Variants in ST3GAL3 observed in about 807,000 individuals in gnomAD.
ST3GAL3 encodes CMP-N-acetylneuraminate-beta-1,4-galactoside alpha-2,3-sialyltransferase.
A neutral mutation model predicts 50.1 loss-of-function variants in ST3GAL3; 21 were observed. That is an observed-to-expected ratio of 0.42 (90% confidence interval 0.30 to 0.60). The LOEUF is 0.60. ST3GAL3 is among the 20% of genes least tolerant of loss of function. The probability of loss-of-function intolerance (pLI) is 0.19; values close to 1 mark genes in which losing one functional copy is unlikely to be tolerated. For synonymous variants in ST3GAL3, 183 were observed against 190.0 expected (o/e 0.96, Z 0.30); for missense variants, 353 against 489.4 (o/e 0.72, Z 2.63).
chr1:43,848,120 A>G (rs2066571364), intron 5 of ST3GAL3, among the ~76,000 whole-genome samples: 2 of 152,044 alleles, frequency 1.3e-5, no homozygotes, highest in African/African-American at 2.4e-5. Flanking sequence ...CTCCCCCACT[A>G]CCTTAAATAT....
intron 9 of ST3GAL3, among the ~76,000 whole-genome samples, chr1:43,917,560 AT>A (rs1194012573): frequency 8.6e-5 from 7 of 81,060 alleles, no homozygotes; most frequent in Admixed American, 2.2e-4. Context: ...TATATAATAT[AT>A]TATATTATAT....
At chr1:43,807,364 C>T (rs190107583) in intron 3 of ST3GAL3, among the ~76,000 whole-genome samples, 46 of 151,780 alleles carry the variant, frequency 3.0e-4, no homozygotes, top group African/African-American at 1.0e-3. Flanking sequence ...TGCAGTGAGC[C>T]GAGATCGTGC....
rs752890217 is a variant in ST3GAL3 at position 43,898,328 on chromosome 1, C to G, written c.461+30C>G. ...GCCACACACTGTGCAGCCTCCTACC[C>G]ACCGCTGCCTGGTGGTGTGCAGAGG... On this transcript the variant is annotated intron_variant, in intron 7 of 11. Transcript: ENST00000347631. 1.9e-6 allele frequency: 3 copies of G among 1,610,884 alleles called. No individual in the cohort carries two copies. The Admixed American group carries it at 5.0e-5, about 27-fold the overall frequency.
Position 43,735,630 on chromosome 1 carries a change from A to AC in ST3GAL3, c.-30-601dup, listed in dbSNP as rs1678074541. Among the ~76,000 whole-genome samples, 3 of 152,270 alleles carry AC rather than the reference A, an allele frequency of 2.0e-5. No individual in the cohort carries two copies. In the South Asian group the frequency reaches 6.2e-4, roughly 32 times the overall value. ...CAGAAGGGAACACAGCCCTACCAGC[A>AC]CCTTGGTTTTGGCCTTGTGCGACTC... On this transcript the variant is annotated intron_variant, in intron 1 of 11. Transcript: ENST00000347631.
chr1:43,717,800 G>T (rs905718590), intron 1 of ST3GAL3, among the ~76,000 whole-genome samples: 2 of 151,974 alleles, frequency 1.3e-5, no homozygotes, highest in Admixed American at 1.3e-4. Flanking sequence ...GAGCCACCGT[G>T]CCTGGCCTGT....
At chr1:43,833,234 T>G (rs2063785704) in intron 4 of ST3GAL3, among the ~76,000 whole-genome samples, 1 of 152,182 alleles carries the variant, frequency 6.6e-6, no homozygotes, top group African/African-American at 2.4e-5. Flanking sequence ...ACACTTCCTG[T>G]TGATTAACCT....
At chr1:43,885,959 CA>C (rs2075916305) in intron 5 of ST3GAL3, among the ~76,000 whole-genome samples, 1 of 152,190 alleles carries the variant, frequency 6.6e-6, no homozygotes, top group Non-Finnish European at 1.5e-5. Context: ...TCAAATTATA[CA>C]AAATCACAGC....
chr1:43,848,883 G>A (rs566677171), intron 5 of ST3GAL3, among the ~76,000 whole-genome samples: 118 of 152,064 alleles, frequency 7.8e-4, no homozygotes, highest in Non-Finnish European at 1.3e-3. Flanking sequence ...ATATTGCTAT[G>A]TCTTCACATT....
Position 43,771,935 on chromosome 1 carries a change from TTC to T in ST3GAL3, c.119-20161_119-20160del, listed in dbSNP as rs1411839839. The T allele has an allele frequency of 3.8e-5, 15 of 398,630 alleles. No individual in the cohort carries two copies. The Admixed American group carries it at 6.2e-4, about 16-fold the overall frequency. The allele number at this position is 398,630 out of a possible 1,614,324, so 24.7% of individuals were successfully genotyped here. A position where few individuals can be genotyped will look rare whatever the true frequency, so the allele number is the denominator to read the frequency against. On this transcript the variant is annotated intron_variant, in intron 2 of 11. Transcript: ENST00000347631. Reference sequence around the variant, plus strand: ...CCCCTGGATGTTGGGGTCACCATTTTTCTCTCTTTCAGGAGCATGGAAGTTAA... The same window carrying T: ...CCCCTGGATGTTGGGGTCACCATTTTTCTCTTTCAGGAGCATGGAAGTTAA...
At chr1:43,867,778 T>C (rs1039865320) in intron 5 of ST3GAL3, among the ~76,000 whole-genome samples, 1 of 152,222 alleles carries the variant, frequency 6.6e-6, no homozygotes, top group Non-Finnish European at 1.5e-5. Context: ...TTGGCTCTTG[T>C]AGGCATTTGA....
chr1:43,742,959 C>T (rs184583614), intron 2 of ST3GAL3, among the ~76,000 whole-genome samples: 34 of 151,854 alleles, frequency 2.2e-4, no homozygotes, highest in African/African-American at 8.2e-4. Context: ...TTAGCTGGGC[C>T]TGGTGGCACG....
At chr1:43,808,797 C>T (rs542539693) in intron 3 of ST3GAL3, among the ~76,000 whole-genome samples, 9 of 152,232 alleles carry the variant, frequency 5.9e-5, no homozygotes, top group Admixed American at 5.2e-4. Flanking sequence ...GGGAAAACTA[C>T]CAGAATCTGG....
At chr1:43,918,476 A>AGAAAGTAAATGG (rs1311220134) in intron 9 of ST3GAL3, among the ~76,000 whole-genome samples, 1 of 152,088 alleles carries the variant, frequency 6.6e-6, no homozygotes, top group Non-Finnish European at 1.5e-5. Flanking sequence ...GTGTGAGGAG[A>AGAAAGTAAATGG]GAAAGTAAAT....
intron 11 of ST3GAL3, 136 bp downstream of exon 11, chr1:43,921,064 G>A (rs1490180225): frequency 1.2e-5 from 13 of 1,054,584 alleles, no homozygotes; most frequent in African/African-American, 4.7e-5. Flanking sequence ...AGCATCCTAC[G>A]TGCCCTCTCC....
intron 4 of ST3GAL3, among the ~76,000 whole-genome samples, chr1:43,837,431 T>G (rs1392012221): frequency 6.6e-6 from 1 of 152,238 alleles, no homozygotes; most frequent in Non-Finnish European, 1.5e-5. Context: ...CTATATTCGG[T>G]CACTGTTCGG....
At chr1:43,760,418 G>T (rs552886497) in intron 2 of ST3GAL3, among the ~76,000 whole-genome samples, 4 of 152,138 alleles carry the variant, frequency 2.6e-5, no homozygotes, top group African/African-American at 9.7e-5. Context: ...CCCATAATGC[G>T]CAAATGACTA....
intron 3 of ST3GAL3, among the ~76,000 whole-genome samples, chr1:43,803,082 C>A (rs1276520368): frequency 2.0e-5 from 3 of 152,066 alleles, no homozygotes; most frequent in Non-Finnish European, 4.4e-5. Flanking sequence ...CGTGCCACCA[C>A]ACCTGGCTAA....
chr1:43,729,184 A>C (rs1057446854), intron 1 of ST3GAL3, among the ~76,000 whole-genome samples: 7 of 140,332 alleles, frequency 5.0e-5, no homozygotes, highest in African/African-American at 1.9e-4. Context: ...CTGCCTCCCC[A>C]GTTCAAGTGA....
intron 4 of ST3GAL3, among the ~76,000 whole-genome samples, chr1:43,825,864 G>A (rs2062730947): frequency 6.6e-6 from 1 of 151,928 alleles, no homozygotes; most frequent in Admixed American, 6.6e-5. Flanking sequence ...AACAAAAGCT[G>A]GTTCTTTGCA....
Sources: allele counts gnomAD v4.1 joint callset (sites outside exome capture counted in the v4.1 genomes callset), GRCh38; gene constraint gnomAD v4.1.1; transcripts MANE v1.5; gene names NCBI Gene and HGNC (gene_info 2026-07-23, HGNC 2026-07-21).